The following PAG1 variants were observed in gnomAD, a reference collection of about 807,000 sequenced individuals.
The protein encoded by PAG1 is phosphoprotein membrane anchor with glycosphingolipid microdomains 1.
PAG1 carries 23 observed loss-of-function variants against 31.7 expected under a neutral mutation model. That is an observed-to-expected ratio of 0.73 (90% CI 0.52 to 1.03). The LOEUF is 1.03. PAG1 is among the 50% of genes least tolerant of loss of function. The probability of loss-of-function intolerance (pLI) is 0.00; values close to 1 mark genes in which losing one functional copy is unlikely to be tolerated. For missense variants in PAG1, 473 were observed against 540.7 expected, an observed-to-expected ratio of 0.87 and a Z score of 1.24; for synonymous variants, 214 against 210.3, an observed-to-expected ratio of 1.02 and a Z score of -0.15.
intron 8 of PAG1, among the ~76,000 whole-genome samples, chr8:80,979,242 A>G (rs1317923295): frequency 2.6e-5 from 4 of 152,212 alleles, no homozygotes; most frequent in African/African-American, 9.6e-5. Context: ...GAACTCCTAT[A>G]TATTTTACCT....
At chr8:80,993,028 G>T in intron 4 of PAG1, 75 bp downstream of exon 4, 1 of 1,348,382 alleles carries the variant, frequency 7.4e-7, no homozygotes, top group East Asian at 2.5e-5. Flanking sequence ...TTCCTAACAG[G>T]CTTTCCACAG....
chr8:80,976,987 G>A (rs1052184534), intron 8 of PAG1, 81 bp from the exon 9 acceptor site: 9 of 1,320,252 alleles, frequency 6.8e-6, no homozygotes, highest in Admixed American at 2.2e-5. Context: ...TACATACTGA[G>A]CACTCCTGGG....
chr8:81,027,503 A>T (rs1808302081), intron 3 of PAG1, among the ~76,000 whole-genome samples: 11 of 152,248 alleles, frequency 7.2e-5, no homozygotes, highest in Admixed American at 7.2e-4. Context: ...GATTTGCAAT[A>T]ATCCAATGCT....
intron 3 of PAG1, among the ~76,000 whole-genome samples, chr8:81,005,798 C>A (rs879475754): frequency 1.3e-5 from 2 of 152,136 alleles, no homozygotes; most frequent in Admixed American, 6.5e-5. Flanking sequence ...CCTTCCCAGG[C>A]AAAGATGCCC....
At chr8:80,981,903 C>A (rs1807313942) in intron 7 of PAG1, among the ~76,000 whole-genome samples, 1 of 135,978 alleles carries the variant, frequency 7.4e-6, no homozygotes, top group Non-Finnish European at 1.5e-5. Context: ...TCTCACTCTG[C>A]CATTCAGGCT....
At position 81,105,117 on chromosome 8, in the gene PAG1, A is replaced by G. The variant is rs575249450; in HGVS notation, c.-234+6474T>C. Among the ~76,000 whole-genome samples, 5 of 151,682 alleles carry G rather than the reference A, an allele frequency of 3.3e-5. No individual in the cohort carries two copies. The East Asian group carries it at 7.8e-4, about 24-fold the overall frequency. On this transcript the variant is annotated intron_variant, in intron 1 of 8. Coordinates refer to ENST00000220597, the MANE Select transcript of PAG1 (RefSeq NM_018440.4). The stretch of plus-strand genomic sequence containing the variant: ...GGTACCCTCCTACTGGCTCTTCCAG[A>G]CTCCATCAAGCCCGGCTGCGTTAGG...
chr8:81,036,702 C>T (rs1808467039), intron 2 of PAG1, among the ~76,000 whole-genome samples: 1 of 152,218 alleles, frequency 6.6e-6, no homozygotes. Flanking sequence ...AGCCGCTCTT[C>T]TCCCCCTGCT....
In PAG1 at chr8:80,992,154, C is replaced by CT. The variant is rs996186001; in HGVS notation, c.126-625_126-624insA. Among the ~76,000 whole-genome samples, 4 of 39,578 alleles carry CT rather than the reference C, an allele frequency of 1.0e-4. No individual in the cohort carries two copies. The African/African-American group carries it at 3.3e-3, about 32-fold the overall frequency. The allele number at this position is 39,578 out of a possible 152,430, so 26.0% of individuals were successfully genotyped here. Reference sequence around the variant, plus strand: ...GAACATGAGTAACTACAGAAGCAGGCCGTCCAGGCCCCGGGAAGCCCCGGC... The same window carrying CT: ...GAACATGAGTAACTACAGAAGCAGGCTCGTCCAGGCCCCGGGAAGCCCCGGC... On this transcript the variant is annotated intron_variant, in intron 4 of 8. Transcript: ENST00000220597.
At chr8:81,032,380 C>A (rs569197408) in intron 2 of PAG1, among the ~76,000 whole-genome samples, 1 of 152,080 alleles carries the variant, frequency 6.6e-6, no homozygotes, top group East Asian at 1.9e-4. Context: ...GACAACCCAA[C>A]CAAAAATGGG....
At chr8:81,081,458 T>C (rs1052763330) in intron 1 of PAG1, among the ~76,000 whole-genome samples, 3 of 152,186 alleles carry the variant, frequency 2.0e-5, no homozygotes, top group African/African-American at 7.2e-5. Flanking sequence ...TGGTAACTTC[T>C]TGCAACACTA....
intron 3 of PAG1, among the ~76,000 whole-genome samples, chr8:81,028,406 G>A (rs547426649): frequency 2.0e-5 from 3 of 152,278 alleles, no homozygotes; most frequent in African/African-American, 7.2e-5. Context: ...ACCAGATGAC[G>A]TACATAGGCT....
intron 5 of PAG1, 113 bp downstream of exon 5, chr8:80,991,366 G>A (rs1404612998): frequency 1.9e-5 from 15 of 794,922 alleles, no homozygotes; most frequent in Non-Finnish European, 3.1e-5. Context: ...CTTAGGCTTA[G>A]CTCTCCCCGT....
intron 6 of PAG1, among the ~76,000 whole-genome samples, chr8:80,986,716 G>T (rs1807430374): frequency 6.6e-6 from 1 of 151,208 alleles, no homozygotes; most frequent in African/African-American, 2.4e-5. Context: ...TGGAATTAAG[G>T]CTGTTAATTA....
rs145023558 is a variant in PAG1 at position 80,976,701 on chromosome 8, T to C, written c.1142A>G (p.Glu381Gly). ...CGCTTCATAATCAGGCTCTGGCTCC[T>C]CGCTGGGCCTCCCTGCTGGTGGAAG... ...STLPPAGRPS[E>G]EPEPDYEAIQ... is the part of the protein sequence containing the mutation. The change falls in exon 9 of 9, where the codon GAG becomes GGG. Residue 381 changes from glutamate (E) to glycine (G), a missense_variant. Glu to Gly is a moderately conservative substitution (Grantham distance 98, BLOSUM62 -2). Coordinates refer to ENST00000220597, the MANE Select transcript of PAG1 (RefSeq NM_018440.4). 1 of 1,614,204 alleles carries C rather than the reference T, an allele frequency of 6.2e-7. No homozygotes were observed. Among genetic ancestry groups the C allele is most frequent in the African/African-American group, 1.3e-5 (1 of 75,048 alleles).
intron 2 of PAG1, among the ~76,000 whole-genome samples, chr8:81,055,241 T>G (rs1479099486): frequency 1.3e-5 from 2 of 152,210 alleles, no homozygotes; most frequent in East Asian, 3.9e-4. Flanking sequence ...TTTTTAATTT[T>G]TTTTTACAGA....
At chr8:80,984,402 G>A (rs547780481) in intron 7 of PAG1, among the ~76,000 whole-genome samples, 8 of 152,190 alleles carry the variant, frequency 5.3e-5, no homozygotes, top group African/African-American at 1.9e-4. Flanking sequence ...GATCCTGGAA[G>A]GGGAAAGGTC....
At position 80,990,159 on chromosome 8, in the gene PAG1, G is replaced by C. The variant is rs569604080; in HGVS notation, c.177+1320C>G. Among the ~76,000 whole-genome samples, 1 of 152,194 alleles carries C rather than the reference G, an allele frequency of 6.6e-6. No individual in the cohort carries two copies. The highest frequency in any genetic ancestry group is 2.1e-4 in the South Asian group (1 of 4,810). The stretch of plus-strand genomic sequence containing the variant: ...GGATGGGAACAGGGCGAGAAACAGA[G>C]TAAAGGGAGGAGTGGTGATGAGGGC... On this transcript the variant is annotated intron_variant, in intron 5 of 8. Coordinates refer to ENST00000220597, the MANE Select transcript of PAG1 (RefSeq NM_018440.4). This position sits in a 1 kb window ranked among gnomAD's most constrained non-coding sequence, Gnocchi z 5.1.
At position 81,112,057 on chromosome 8, in the gene PAG1, G is replaced by A. The variant is rs992675321; in HGVS notation, c.-700C>T. The A allele has an allele frequency of 6.6e-6, 1 of 152,116 alleles. No homozygotes were observed. Among genetic ancestry groups the A allele is most frequent in the Non-Finnish European group, 1.5e-5 (1 of 68,014 alleles). 9.4% of individuals were successfully genotyped at this position (152,116 alleles called of 1,614,324 possible). ...TACCGCAGCCAGCACTCGCCGCCGC[G>A]CCGCGGAGAATGACAGGCGCCGAGG... On this transcript the variant is annotated 5_prime_UTR_variant, in exon 1 of 9. Transcript: ENST00000220597.
At chr8:81,105,562 G>A (rs1271937616) in intron 1 of PAG1, among the ~76,000 whole-genome samples, 1 of 152,092 alleles carries the variant, frequency 6.6e-6, no homozygotes, top group Non-Finnish European at 1.5e-5. Flanking sequence ...GTTAGGGACT[G>A]GCTTTTTTTT....
Sources: gnomAD v4.1 joint callset for allele counts (sites outside exome capture counted in the v4.1 genomes callset) on GRCh38, gnomAD v4.1.1 for gene constraint, Gnocchi (gnomAD v3.1) non-coding constraint, MANE v1.5 for transcripts, NCBI Gene and HGNC (gene_info 2026-07-23, HGNC 2026-07-21) for gene names.